OCA2: variants seen among roughly 807,000 people sequenced by gnomAD.
OCA2 encodes the protein P protein.
In OCA2, 77 loss-of-function variants were observed where a neutral mutation model predicts 100.2. The ratio of observed to expected loss-of-function variants is 0.77; its 90% CI spans 0.64 to 0.93. OCA2 has a LOEUF of 0.93. Ranked by LOEUF, OCA2 falls within the 40% of genes least tolerant of loss-of-function variation. The pLI, the probability that OCA2 is intolerant of heterozygous loss-of-function variation, is 0.00. For missense variants in OCA2, 1,062 were observed against 1,089.1 expected (o/e 0.98, Z 0.35); for synonymous variants, 432 against 439.2 (o/e 0.98, Z 0.21).
rs199814614 is a variant in OCA2, at chr15:27,985,206, G to C, written c.1240-18C>G. On this transcript the variant is annotated intron_variant, in intron 12 of 23. Coordinates refer to ENST00000354638, the MANE Select transcript of OCA2 (RefSeq NM_000275.3). ...CGGTATGCCTGGCCACACACACACAGAGAGAGTACAAGCCAGAGTGAGCAG... is the reference window on the plus strand; with the variant it reads ...CGGTATGCCTGGCCACACACACACACAGAGAGTACAAGCCAGAGTGAGCAG... 124 of 1,613,364 alleles carry C rather than the reference G, an allele frequency of 7.7e-5. No homozygotes were observed. Among genetic ancestry groups the C allele is most frequent in the African/African-American group, 6.4e-4 (48 of 75,056 alleles).
intron 9 of OCA2, among the ~76,000 whole-genome samples, chr15:28,011,290 C>T (rs2042231903): frequency 6.6e-6 from 1 of 152,068 alleles, no homozygotes; most frequent in Admixed American, 6.6e-5. Flanking sequence ...CATAGCAAGA[C>T]CCTGATTCTA....
intron 23 of OCA2, among the ~76,000 whole-genome samples, 195 bp from the exon 24 acceptor site, chr15:27,755,667 T>C (rs921109581): frequency 1.3e-5 from 2 of 152,234 alleles, no homozygotes; most frequent in Non-Finnish European, 2.9e-5. Flanking sequence ...ACATCCTCCA[T>C]TGTGTGCAAT....
At position 27,877,583 on chromosome 15, in the gene OCA2, A is replaced by G. The variant is rs140188125; in HGVS notation, c.2080-5661T>C. Among the ~76,000 whole-genome samples, 185 of 152,072 alleles carry G rather than the reference A, an allele frequency of 1.2e-3. 4 individuals carry two copies. The South Asian group carries it at 0.026, about 22-fold the overall frequency. On this transcript the variant is annotated intron_variant, in intron 19 of 23. Coordinates refer to ENST00000354638, the MANE Select transcript of OCA2 (RefSeq NM_000275.3). Reference sequence around the variant, plus strand: ...AATGTCCCTCATTATTTCCAATTACATTATGTGCACTGAAGTTTATTCTAT... The same window carrying G: ...AATGTCCCTCATTATTTCCAATTACGTTATGTGCACTGAAGTTTATTCTAT...
chr15:27,853,919 C>T (rs1349410639), intron 21 of OCA2, among the ~76,000 whole-genome samples: 2 of 152,188 alleles, frequency 1.3e-5, no homozygotes, highest in South Asian at 2.1e-4. Context: ...TATTCGATGC[C>T]GAGAATTAAG....
intron 23 of OCA2, among the ~76,000 whole-genome samples, chr15:27,791,620 C>T (rs1229825147): frequency 6.6e-6 from 1 of 152,144 alleles, no homozygotes; most frequent in Non-Finnish European, 1.5e-5. Flanking sequence ...CAGGGCTCTA[C>T]AGCACATGAC....
chr15:27,863,612 A>G (rs745330214), intron 21 of OCA2, among the ~76,000 whole-genome samples: 3 of 152,100 alleles, frequency 2.0e-5, no homozygotes, highest in East Asian at 1.9e-4. Context: ...TTTTCAATAC[A>G]ATGCATTCCT....
downstream of OCA2, among the ~76,000 whole-genome samples, chr15:27,753,311 C>T (rs1390459505): frequency 2.5e-5 from 3 of 119,956 alleles, no homozygotes; most frequent in African/African-American, 1.0e-4. Context: ...GGGTGTAACA[C>T]GGAGGGGAGT....
chr15:27,902,390 T>A (rs1427455132), intron 19 of OCA2, among the ~76,000 whole-genome samples: 1 of 152,220 alleles, frequency 6.6e-6, no homozygotes, highest in East Asian at 1.9e-4. Flanking sequence ...TAAGTGGAAC[T>A]TATTCGTATC....
rs533007302 is a variant in OCA2 at position 28,091,452 on chromosome 15, A to G, written c.-22+7772T>C. ...AGCAAAGGGAATTCAGTAATATATC[A>G]AAAGAGCTACACACATAACTAAGTA... On this transcript the variant is annotated intron_variant, in intron 1 of 23. Transcript: ENST00000354638. 4.6e-5 allele frequency among the ~76,000 whole-genome samples: 7 copies of G among 152,360 alleles called. No individual in the cohort carries two copies. In the South Asian group the frequency reaches 1.4e-3, roughly 32 times the overall value.
intron 23 of OCA2, among the ~76,000 whole-genome samples, chr15:27,794,126 G>A (rs748773791): frequency 1.3e-5 from 2 of 152,190 alleles, no homozygotes; most frequent in Non-Finnish European, 2.9e-5. Flanking sequence ...CTCCAAGAAT[G>A]TGTGTGTTCC....
intron 23 of OCA2, among the ~76,000 whole-genome samples, chr15:27,799,693 C>T (rs1440597412): frequency 2.0e-5 from 3 of 151,232 alleles, no homozygotes; most frequent in South Asian, 4.2e-4. Flanking sequence ...TGCAGTGAGC[C>T]GAGATGGTGC....
rs775358544 is a variant in OCA2 at position 27,871,831 on chromosome 15, T to C, written c.2139+32A>G. 3.6e-6 allele frequency: 5 copies of C among 1,388,272 alleles called. No individual in the cohort carries two copies. In the South Asian group the frequency reaches 5.8e-5, roughly 16 times the overall value. 86.0% of individuals were successfully genotyped at this position (1,388,272 alleles called of 1,614,324 possible). On this transcript the variant is annotated intron_variant, in intron 20 of 23. Transcript: ENST00000354638. ...TTTCACAAAATCAAAGAACAGTGGC[T>C]GGAGTGCCTTCTATTATAGCATTTA... is the stretch of plus-strand genomic sequence containing the variant.
intron 18 of OCA2, chr15:27,950,699 T>C (rs751073756): frequency 9.8e-6 from 3 of 305,824 alleles, no homozygotes; most frequent in Non-Finnish European, 2.0e-5. Context: ...CTTTTTTACA[T>C]AAGAGAAAAG....
intron 18 of OCA2, among the ~76,000 whole-genome samples, chr15:27,936,854 T>C (rs1424373631): frequency 1.3e-5 from 2 of 152,218 alleles, no homozygotes; most frequent in African/African-American, 2.4e-5. Flanking sequence ...GTTTCCAATC[T>C]GGCTTAGGAA....
At chr15:27,823,896 C>T (rs1437485851) in intron 23 of OCA2, among the ~76,000 whole-genome samples, 1 of 152,158 alleles carries the variant, frequency 6.6e-6, no homozygotes, top group East Asian at 1.9e-4. Flanking sequence ...TACTAAGGAG[C>T]TTAAAGCATA....
intron 19 of OCA2, among the ~76,000 whole-genome samples, chr15:27,893,850 T>G (rs1479561626): frequency 6.6e-6 from 1 of 152,210 alleles, no homozygotes; most frequent in Admixed American, 6.5e-5. Context: ...ATGATCTTTG[T>G]TGGACCCTTA....
At chr15:27,771,157 G>A (rs766341605) in intron 23 of OCA2, among the ~76,000 whole-genome samples, 24 of 133,722 alleles carry the variant, frequency 1.8e-4, no homozygotes, top group Non-Finnish European at 2.9e-4. Context: ...CCCTTGCAGC[G>A]ACACCCCCTT....
the OCA2 span, among the ~76,000 whole-genome samples, chr15:27,723,245 G>A: frequency 6.6e-6 from 1 of 152,076 alleles, no homozygotes; most frequent in Non-Finnish European, 1.5e-5. Context: ...CAAAGAGCAG[G>A]AACTTTTTTT....
chr15:28,033,374 C>A (rs761328411), intron 2 of OCA2, among the ~76,000 whole-genome samples: 7 of 152,206 alleles, frequency 4.6e-5, no homozygotes, highest in Non-Finnish European at 1.0e-4. Flanking sequence ...CACGAATGCA[C>A]AACAAAGGAA....
Sources: gnomAD v4.1 joint callset for allele counts (sites outside exome capture counted in the v4.1 genomes callset) on GRCh38, gnomAD v4.1.1 for gene constraint, MANE v1.5 for transcripts, NCBI Gene and HGNC (gene_info 2026-07-23, HGNC 2026-07-21) for gene names.